GLIS1: variants seen among roughly 807,000 people sequenced by gnomAD.
The protein encoded by GLIS1 is GLIS family zinc finger 1.
A neutral mutation model predicts 63.8 loss-of-function variants in GLIS1; 24 were observed. That is an observed-to-expected ratio of 0.38 (90% CI 0.27 to 0.53). GLIS1 has a LOEUF of 0.53. Among genes scored for constraint, GLIS1 ranks in the 20% least tolerant of loss-of-function variants. The pLI, the probability that GLIS1 is intolerant of heterozygous loss-of-function variation, is 0.85. For missense variants in GLIS1, 1,036 were observed against 1,074.1 expected, an observed-to-expected ratio of 0.96 and a Z score of 0.50; for synonymous variants, 450 against 482.5, an observed-to-expected ratio of 0.93 and a Z score of 0.88.
chr1:53,708,200 G>A (rs768806804), intron 2 of GLIS1, among the ~76,000 whole-genome samples: 3 of 151,858 alleles, frequency 2.0e-5, no homozygotes, highest in African/African-American at 7.3e-5. Context: ...GGAGAATGGC[G>A]TGAACCCAGG....
chr1:53,532,898 C>G lies in GLIS1; in HGVS notation c.1321-2946G>C, dbSNP rs118093347. Among the ~76,000 whole-genome samples, 92 of 152,368 alleles carry G rather than the reference C, an allele frequency of 6.0e-4. 1 individual carries two copies. In the East Asian group the frequency reaches 0.014, roughly 23 times the overall value. On this transcript the variant is annotated intron_variant, in intron 4 of 10. Transcript: ENST00000628545. Reference sequence around the variant, plus strand: ...ACTGTCCCCCTCCTGGGACTCCTTCCCTTCCAACTCTCTGACCATCTAATT... The same window carrying G: ...ACTGTCCCCCTCCTGGGACTCCTTCGCTTCCAACTCTCTGACCATCTAATT...
intron 10 of GLIS1, among the ~76,000 whole-genome samples, chr1:53,508,899 C>G (rs1046614459): frequency 1.3e-5 from 2 of 152,232 alleles, no homozygotes; most frequent in Non-Finnish European, 2.9e-5. Context: ...ACATAAGGCT[C>G]GCAAAGCTGT....
chr1:53,602,503 GCCCCTCT>G (rs1459231259), intron 2 of GLIS1, among the ~76,000 whole-genome samples: 2 of 152,124 alleles, frequency 1.3e-5, no homozygotes, highest in African/African-American at 4.8e-5. Flanking sequence ...GACTCACCAG[GCCCCTCT>G]GGGGCCTTGG....
chr1:53,706,128 C>T (rs1646576817), intron 2 of GLIS1, among the ~76,000 whole-genome samples: 2 of 152,194 alleles, frequency 1.3e-5, no homozygotes, highest in African/African-American at 4.8e-5. Flanking sequence ...TATTATTATG[C>T]TAATTTTACA....
intron 4 of GLIS1, among the ~76,000 whole-genome samples, chr1:53,587,806 C>T (rs916653630): frequency 1.3e-5 from 2 of 152,244 alleles, no homozygotes; most frequent in Non-Finnish European, 2.9e-5. Flanking sequence ...AGGGGGCACA[C>T]AGCAGGTGCT....
chr1:53,604,189 G>A (rs1645346870), intron 2 of GLIS1, among the ~76,000 whole-genome samples: 1 of 152,182 alleles, frequency 6.6e-6, no homozygotes, highest in Non-Finnish European at 1.5e-5. Flanking sequence ...CCTGGGGCAG[G>A]GAGATGGGGA....
intron 2 of GLIS1, among the ~76,000 whole-genome samples, chr1:53,687,437 C>T (rs936543229): frequency 6.6e-6 from 1 of 152,306 alleles, no homozygotes; most frequent in South Asian, 2.1e-4. Flanking sequence ...CCAACCAGCC[C>T]GCCCCGCTTC....
At chr1:53,613,959 C>T (rs562651488) in intron 2 of GLIS1, among the ~76,000 whole-genome samples, 14 of 152,284 alleles carry the variant, frequency 9.2e-5, no homozygotes, top group Admixed American at 8.5e-4. Context: ...TTTTCAGTCA[C>T]AAAGGAAAAT....
At chr1:53,677,199 G>A (rs1646222724) in intron 2 of GLIS1, among the ~76,000 whole-genome samples, 1 of 152,222 alleles carries the variant, frequency 6.6e-6, no homozygotes, top group Non-Finnish European at 1.5e-5. Context: ...GAGTGAGTGT[G>A]TAGATTAGTT....
At chr1:53,587,516 G>T (rs1046461068) in intron 4 of GLIS1, among the ~76,000 whole-genome samples, 1 of 152,242 alleles carries the variant, frequency 6.6e-6, no homozygotes, top group Middle Eastern at 3.4e-3. Context: ...GCAGCTTTTT[G>T]ATTTGACCAG....
intron 3 of GLIS1, among the ~76,000 whole-genome samples, chr1:53,599,539 A>G (rs1645294455): frequency 1.3e-5 from 2 of 152,280 alleles, no homozygotes; most frequent in South Asian, 2.1e-4. Flanking sequence ...ACCCAGTGCC[A>G]GGTATTCTGT....
chr1:53,531,597 C>A lies in GLIS1; in HGVS notation c.1321-1645G>T, dbSNP rs1569767783. On this transcript the variant is annotated intron_variant, in intron 4 of 10. Coordinates refer to ENST00000628545, the MANE Select transcript of GLIS1 (RefSeq NM_001367484.1). ...CCAGTCTGCGGTGAGTGCCAAGCTG[C>A]AGAGAGAACTCAGACATGGGTCCTG... Among the ~76,000 whole-genome samples the A allele has an allele frequency of 4.6e-5, 7 of 152,302 alleles. No individual in the cohort carries two copies. The South Asian group carries it at 1.5e-3, about 32-fold the overall frequency.
chr1:53,564,842 C>G (rs1386841240), intron 4 of GLIS1, among the ~76,000 whole-genome samples: 1 of 151,994 alleles, frequency 6.6e-6, no homozygotes, highest in Non-Finnish European at 1.5e-5. Context: ...AATGCAAAGC[C>G]TACCACCTTG....
Position 53,574,276 on chromosome 1 carries a change from C to T in GLIS1, c.1320+19832G>A, listed in dbSNP as rs985488859. 7.9e-5 allele frequency among the ~76,000 whole-genome samples: 12 copies of T among 152,248 alleles called. No homozygotes were observed. The highest frequency in any genetic ancestry group is 2.9e-4 in the African/African-American group (12 of 41,464). On this transcript the variant is annotated intron_variant, in intron 4 of 10. Transcript: ENST00000628545. This position sits in a 1 kb window ranked among gnomAD's most constrained non-coding sequence, Gnocchi z 4.2. ...GCCACTGCCCCATCCAGCCTGCCTTCACCTCAGGTCCCATTCACTGCTCTG... is the reference window on the plus strand; with the variant it reads ...GCCACTGCCCCATCCAGCCTGCCTTTACCTCAGGTCCCATTCACTGCTCTG...
intron 10 of GLIS1, among the ~76,000 whole-genome samples, chr1:53,506,993 G>A (rs1014093995): frequency 3.3e-5 from 5 of 152,268 alleles, no homozygotes; most frequent in African/African-American, 1.2e-4. Flanking sequence ...GCACACCCAG[G>A]GGGCCCAGGG....
intron 2 of GLIS1, among the ~76,000 whole-genome samples, chr1:53,699,951 A>G (rs11206196): frequency 0.27 from 41,801 of 152,042 alleles, 6,535 homozygotes; most frequent in African/African-American, 0.43. Context: ...ATATGAACTG[A>G]GGGAGATATA....
chr1:53,696,480 C>G (rs1405102669), intron 2 of GLIS1, among the ~76,000 whole-genome samples: 2 of 152,158 alleles, frequency 1.3e-5, no homozygotes, highest in African/African-American at 4.8e-5. Flanking sequence ...TCTGAAAGAT[C>G]GAAAAATGCA....
Position 53,737,959 on chromosome 1 carries a change from A to G in GLIS1, c.106T>C (p.Phe36Leu). 1 of 1,230,156 alleles carries G rather than the reference A, an allele frequency of 8.1e-7. No homozygotes were observed. Among genetic ancestry groups the G allele is most frequent in the Non-Finnish European group, 1.0e-6 (1 of 986,912 alleles). The allele number at this position is 1,230,156 out of a possible 1,614,324, so 76.2% of individuals were successfully genotyped here. A position where few individuals can be genotyped will look rare whatever the true frequency, so the allele number is the denominator to read the frequency against. ...CCGCCGCCACTCACGGTGACCCTGA[A>G]GGCCATGTGCGCGCCGAGGCTGGCG... ...GPASLGAHMA[F>L]RVTVSGGGCG... Residue 36 changes from phenylalanine to leucine, a missense_variant, in exon 2 of 11, where the codon TTC (phenylalanine) becomes CTC (leucine). Transcript: ENST00000628545.
At chr1:53,642,021 A>G (rs1327807222) in intron 2 of GLIS1, among the ~76,000 whole-genome samples, 1 of 152,174 alleles carries the variant, frequency 6.6e-6, no homozygotes, top group East Asian at 1.9e-4. Flanking sequence ...ACTCCCAGGC[A>G]CTGCCAAGTG....
Sources: allele counts gnomAD v4.1 joint callset (sites outside exome capture counted in the v4.1 genomes callset), GRCh38; gene constraint gnomAD v4.1.1; non-coding constraint Gnocchi (gnomAD v3.1); transcripts MANE v1.5; gene names NCBI Gene and HGNC (gene_info 2026-07-23, HGNC 2026-07-21).